ALDOB: variants seen among roughly 807,000 people sequenced by gnomAD.
ALDOB encodes aldolase, fructose-bisphosphate B, also known as fructose-bisphosphate aldolase B.
A neutral mutation model predicts 41.0 loss-of-function variants in ALDOB; 39 were observed. That is an observed-to-expected ratio of 0.95 (90% CI 0.74 to 1.24). The LOEUF (loss-of-function observed/expected upper bound fraction) is 1.24. Among genes scored for constraint, ALDOB ranks in the 50% most tolerant of loss-of-function variants. The pLI is 0.00. For missense variants in ALDOB, 530 were observed against 457.3 expected (o/e 1.16, Z -1.45); for synonymous variants, 175 against 168.8 (o/e 1.04, Z -0.28).
chr9:101,426,742 T>A, intron 5 of ALDOB, 104 bp from the exon 6 acceptor site: 2 of 774,196 alleles, frequency 2.6e-6, no homozygotes, highest in Non-Finnish European at 4.7e-6. Flanking sequence ...GAAGCCATTA[T>A]GGAGAAATAC....
chr9:101,422,856 A>C (rs972382025), intron 8 of ALDOB, among the ~76,000 whole-genome samples: 1 of 152,254 alleles, frequency 6.6e-6, no homozygotes, highest in Non-Finnish European at 1.5e-5. Context: ...CATATATAAA[A>C]AATCACAGAT....
intron 8 of ALDOB, among the ~76,000 whole-genome samples, chr9:101,423,572 C>T (rs1178741638): frequency 6.6e-6 from 1 of 152,218 alleles, no homozygotes; most frequent in East Asian, 1.9e-4. Context: ...ATACCCTCAA[C>T]TGTAATCAGT....
At chr9:101,435,557 C>G (rs1351837607) in intron 1 of ALDOB, among the ~76,000 whole-genome samples, 152 bp downstream of exon 1, 1 of 152,146 alleles carries the variant, frequency 6.6e-6, no homozygotes, top group African/African-American at 2.4e-5. Context: ...ACAAGCATTT[C>G]CCTCCAAGCA....
intron 3 of ALDOB, among the ~76,000 whole-genome samples, chr9:101,429,355 C>T (rs1052221397): frequency 3.9e-5 from 6 of 151,994 alleles, no homozygotes; most frequent in African/African-American, 1.2e-4. Flanking sequence ...GACAAGGTCC[C>T]ACTGTGTTGC....
chr9:101,429,674 G>C, intron 3 of ALDOB, 81 bp downstream of exon 3: 1 of 1,254,776 alleles, frequency 8.0e-7, no homozygotes, highest in Non-Finnish European at 1.2e-6. Flanking sequence ...AGAATGTTCA[G>C]AGTGTTGGCC....
chr9:101,434,692 C>G (rs953501841), intron 1 of ALDOB, among the ~76,000 whole-genome samples: 3 of 152,166 alleles, frequency 2.0e-5, no homozygotes, highest in African/African-American at 7.2e-5. Flanking sequence ...TTTCCAGTGC[C>G]CTTTAACACA....
At chr9:101,431,910 C>T (rs150186738) in intron 1 of ALDOB, among the ~76,000 whole-genome samples, 9 of 152,250 alleles carry the variant, frequency 5.9e-5, no homozygotes, top group East Asian at 5.8e-4. Context: ...TATTACTTCC[C>T]GGAAGCCCAG....
At chr9:101,427,408 A>G (rs1831146836) in intron 5 of ALDOB, 74 bp downstream of exon 5, 10 of 1,553,638 alleles carry the variant, frequency 6.4e-6, no homozygotes, top group Non-Finnish European at 8.0e-6. Context: ...TTGTAGTTAT[A>G]GTATAATTGA....
In ALDOB at chr9:101,421,049, C is replaced by T. The variant is rs746811474; in HGVS notation, c.*760G>A. 20 of 152,256 alleles carry T rather than the reference C, an allele frequency of 1.3e-4. No individual in the cohort carries two copies. The highest frequency in any genetic ancestry group is 4.6e-4 in the African/African-American group (19 of 41,426). The allele number at this position is 152,256 out of a possible 1,614,324, so 9.4% of individuals were successfully genotyped here. Reference sequence around the variant, plus strand: ...ATCATTCTACATTTTTAGCTGGCTTCGTATTGTGAATGGCTTTAATTTTCA... The same window carrying T: ...ATCATTCTACATTTTTAGCTGGCTTTGTATTGTGAATGGCTTTAATTTTCA... On this transcript the variant is annotated 3_prime_UTR_variant, in exon 9 of 9. Transcript: ENST00000647789.
chr9:101,427,307 T>G (rs561883744), intron 5 of ALDOB, among the ~76,000 whole-genome samples, 175 bp downstream of exon 5: 10 of 152,272 alleles, frequency 6.6e-5, no homozygotes, highest in Admixed American at 5.2e-4. Context: ...TACTGGCTTG[T>G]GGGACCAAAT....
chr9:101,430,392 T>C (rs956260112), intron 2 of ALDOB, among the ~76,000 whole-genome samples: 1 of 152,212 alleles, frequency 6.6e-6, no homozygotes, highest in Non-Finnish European at 1.5e-5. Context: ...CTCCCATCCA[T>C]AAGCCCTGTC....
chr9:101,426,886 C>T (rs1831138499), intron 5 of ALDOB, among the ~76,000 whole-genome samples: 1 of 152,158 alleles, frequency 6.6e-6, no homozygotes. Flanking sequence ...TTTAGGGCAT[C>T]TAAGCATAAA....
intron 1 of ALDOB, among the ~76,000 whole-genome samples, chr9:101,432,081 C>T (rs1197095300): frequency 1.3e-5 from 2 of 152,208 alleles, no homozygotes; most frequent in African/African-American, 4.8e-5. Context: ...GTCCTCATGA[C>T]AAATATATTT....
At chr9:101,424,369 AGATTGTGC>A (rs1831092495) in intron 8 of ALDOB, among the ~76,000 whole-genome samples, 1 of 152,156 alleles carries the variant, frequency 6.6e-6, no homozygotes, top group Admixed American at 6.5e-5. Context: ...CAGTGAGCCG[AGATTGTGC>A]CACTGTACTC....
In ALDOB at chr9:101,421,525, T is replaced by C. The variant is rs1831046170; in HGVS notation, c.*284A>G. On this transcript the variant is annotated 3_prime_UTR_variant, in exon 9 of 9. Transcript: ENST00000647789. ...AGTTGTTCTTTGGATGAGGAGCCGA[T>C]ATTGTTTTAAAGCCTATTATTTTCT... 4.3e-6 allele frequency: 2 copies of C among 467,090 alleles called. No individual in the cohort carries two copies. The highest frequency in any genetic ancestry group is 4.1e-5 in the South Asian group (2 of 48,646). 28.9% of individuals were successfully genotyped at this position (467,090 alleles called of 1,614,324 possible).
In ALDOB at chr9:101,425,556, G is replaced by A; in HGVS notation, c.696C>T (p.Asn232=). ...TGCAGGCATGTCCAGCAGTCACCAT[G>A]TTGGGCTTTAGCAGGGTGCCCTCCA... ...VYLEGTLLKP[N]MVTAGHACTK... Residue 232 remains asparagine (N), a synonymous_variant, in exon 7 of 9, where the codon AAC becomes AAT. Coordinates refer to ENST00000647789, the MANE Select transcript of ALDOB (RefSeq NM_000035.4). The A allele has an allele frequency of 6.2e-7, 1 of 1,614,180 alleles. No individual in the cohort carries two copies. The highest frequency in any genetic ancestry group is 8.5e-7 in the Non-Finnish European group (1 of 1,180,034).
At chr9:101,435,647 G>A (rs1040561463) in intron 1 of ALDOB, 62 bp downstream of exon 1, 1 of 152,136 alleles carries the variant, frequency 6.6e-6, no homozygotes, top group African/African-American at 2.4e-5. Flanking sequence ...AAGCTTAGTA[G>A]TATTATTAAC....
In ALDOB at chr9:101,435,495, C is replaced by T. The variant is rs515313; in HGVS notation, c.-11+214G>A. On this transcript the variant is annotated intron_variant, in intron 1 of 8. Transcript: ENST00000647789. ...ATCAATCTTGGGCATTTTGCCACCTCTCAAAAAGTCAGGAAAGGTGTGAAT... is the reference window on the plus strand; with the variant it reads ...ATCAATCTTGGGCATTTTGCCACCTTTCAAAAAGTCAGGAAAGGTGTGAAT... Among the ~76,000 whole-genome samples, 54,075 of 151,798 alleles carry T rather than the reference C, an allele frequency of 0.36. 9,966 individuals carry two copies. Among genetic ancestry groups the T allele is most frequent in the South Asian group, 0.52 (2,502 of 4,816 alleles).
chr9:101,433,666 C>G (rs1274330764), intron 1 of ALDOB, among the ~76,000 whole-genome samples: 1 of 152,170 alleles, frequency 6.6e-6, no homozygotes, highest in Admixed American at 6.5e-5. Flanking sequence ...GATATATACC[C>G]ATACTGTTTT....
Sources: gnomAD v4.1 joint callset for allele counts (sites outside exome capture counted in the v4.1 genomes callset) on GRCh38, gnomAD v4.1.1 for gene constraint, MANE v1.5 for transcripts, NCBI Gene and HGNC (gene_info 2026-07-23, HGNC 2026-07-21) for gene names.